ROBO2: variants seen among roughly 807,000 people sequenced by gnomAD.
ROBO2 encodes the protein roundabout homolog 2.
ROBO2 carries 53 observed loss-of-function variants against 160.8 expected under a neutral mutation model. The observed-to-expected ratio is 0.33, with a 90% CI of 0.26 to 0.41. The LOEUF is 0.41. Ranked by LOEUF, ROBO2 falls within the 10% of genes least tolerant of loss-of-function variation. The pLI is 1.00. For missense variants in ROBO2, 1,577 were observed against 1,722.4 expected (o/e 0.92, Z 1.49); for synonymous variants, 664 against 611.7 (o/e 1.09, Z -1.26).
At chr3:77,477,335 G>C (rs2084132884) in intron 2 of ROBO2, 79 bp from the exon 3 acceptor site, 1 of 1,418,992 alleles carries the variant, frequency 7.0e-7, no homozygotes, top group Non-Finnish European at 1.0e-6. Context: ...AGGTAAACAA[G>C]ACTTGAAGTT....
At position 76,617,484 on chromosome 3, in the gene ROBO2, T is replaced by G. The variant is rs570112134; in HGVS notation, c.110-480530T>G. 7.2e-5 allele frequency among the ~76,000 whole-genome samples: 11 copies of G among 152,354 alleles called. No individual in the cohort carries two copies. In the East Asian group the frequency reaches 1.7e-3, roughly 24 times the overall value. ...TATAGATTGGTTTTATTGTTGTTAC[T>G]GTTACAATGGTATTAAGAGATAGTT... is the stretch of plus-strand genomic sequence containing the variant. On this transcript the variant is annotated intron_variant, in intron 2 of 26. Coordinates refer to the ROBO2 transcript ENST00000487694.
At chr3:77,275,143 T>C (rs1008668912) in intron 2 of ROBO2, among the ~76,000 whole-genome samples, 8 of 152,070 alleles carry the variant, frequency 5.3e-5, no homozygotes, top group African/African-American at 1.9e-4. Context: ...AATATATCAA[T>C]GAAGACAGGT....
At chr3:77,583,034 C>CACCT (rs2093957861) in intron 16 of ROBO2, among the ~76,000 whole-genome samples, 1 of 149,338 alleles carries the variant, frequency 6.7e-6, no homozygotes, top group Non-Finnish European at 1.5e-5. Flanking sequence ...CCCAGCTACT[C>CACCT]GGGAGGCTGA....
intron 2 of ROBO2, among the ~76,000 whole-genome samples, chr3:76,481,446 A>T (rs569936795): frequency 2.6e-5 from 4 of 152,162 alleles, no homozygotes; most frequent in Non-Finnish European, 5.9e-5. Context: ...ATGAGAAGAT[A>T]ATGTGCATAG....
intron 2 of ROBO2, among the ~76,000 whole-genome samples, chr3:76,552,253 T>C (rs2083465361): frequency 6.6e-6 from 1 of 152,184 alleles, no homozygotes; most frequent in Non-Finnish European, 1.5e-5. Flanking sequence ...AACTTGAGCA[T>C]CCCAGAATTT....
intron 2 of ROBO2, among the ~76,000 whole-genome samples, chr3:76,304,303 C>G (rs1408293297): frequency 6.6e-6 from 1 of 152,102 alleles, no homozygotes; most frequent in Non-Finnish European, 1.5e-5. Flanking sequence ...TGGTTAAAAA[C>G]AAAGAATTAA....
At chr3:76,461,321 A>T (rs2078074721) in intron 2 of ROBO2, among the ~76,000 whole-genome samples, 1 of 152,124 alleles carries the variant, frequency 6.6e-6, no homozygotes, top group African/African-American at 2.4e-5. Flanking sequence ...CTGTGATCCA[A>T]ACATCTCCCA....
intron 20 of ROBO2, 102 bp from the exon 22 acceptor site, chr3:77,607,696 T>G (rs960886251): frequency 1.9e-6 from 2 of 1,029,626 alleles, no homozygotes; most frequent in African/African-American, 3.1e-5. Flanking sequence ...AACTCCAACA[T>G]ACTGATTCTG....
chr3:77,288,306 C>CA (rs1287882625), intron 2 of ROBO2, among the ~76,000 whole-genome samples: 1 of 152,108 alleles, frequency 6.6e-6, no homozygotes, highest in Non-Finnish European at 1.5e-5. Context: ...TAACATAAGG[C>CA]AAAAACATTA....
intron 2 of ROBO2, among the ~76,000 whole-genome samples, chr3:77,235,963 G>A (rs1332161245): frequency 6.6e-6 from 1 of 152,178 alleles, no homozygotes; most frequent in Non-Finnish European, 1.5e-5. Flanking sequence ...ATGTTAGGGT[G>A]TTGACCAAAA....
intron 2 of ROBO2, among the ~76,000 whole-genome samples, chr3:77,364,522 C>T (rs900823913): frequency 5.9e-5 from 9 of 152,068 alleles, no homozygotes; most frequent in African/African-American, 2.2e-4. Context: ...GAGTCAGTAA[C>T]AGGCATATCA....
chr3:77,438,051 A>T (rs1159897766), intron 2 of ROBO2, among the ~76,000 whole-genome samples: 2 of 152,028 alleles, frequency 1.3e-5, no homozygotes, highest in Admixed American at 1.3e-4. Context: ...TTACTGTCTT[A>T]TAATAATACT....
At chr3:76,536,099 G>T (rs1280694349) in intron 2 of ROBO2, among the ~76,000 whole-genome samples, 1 of 152,180 alleles carries the variant, frequency 6.6e-6, no homozygotes, top group African/African-American at 2.4e-5. Context: ...GGCCAGTTTT[G>T]TGGCATTTGA....
At chr3:77,391,994 C>A (rs182671020) in intron 2 of ROBO2, among the ~76,000 whole-genome samples, 14 of 152,262 alleles carry the variant, frequency 9.2e-5, no homozygotes, top group Non-Finnish European at 1.9e-4. Flanking sequence ...CCAGGCCATG[C>A]ATAACAGATC....
intron 2 of ROBO2, among the ~76,000 whole-genome samples, chr3:77,476,413 C>T (rs1433867690): frequency 6.7e-6 from 1 of 149,446 alleles, no homozygotes; most frequent in East Asian, 2.0e-4. Flanking sequence ...TGTGTAGGTT[C>T]ATTTTACCTC....
chr3:77,611,452 T>C (rs1014478150), intron 21 of ROBO2, among the ~76,000 whole-genome samples: 6 of 151,994 alleles, frequency 3.9e-5, no homozygotes, highest in African/African-American at 1.5e-4. Flanking sequence ...AGATAAAGCA[T>C]GGAATATTGC....
At chr3:77,439,249 A>G (rs2079650334) in intron 2 of ROBO2, among the ~76,000 whole-genome samples, 1 of 152,098 alleles carries the variant, frequency 6.6e-6, no homozygotes. Context: ...AGCAATTAGT[A>G]TCTTAATACA....
At chr3:76,181,948 T>G (rs1483515332) in intron 2 of ROBO2, among the ~76,000 whole-genome samples, 1 of 152,164 alleles carries the variant, frequency 6.6e-6, no homozygotes, top group Non-Finnish European at 1.5e-5. Context: ...TGATTCAATT[T>G]TATGTATTCA....
At chr3:76,574,634 CTATCA>C (rs1303341821) in intron 2 of ROBO2, among the ~76,000 whole-genome samples, 2 of 152,104 alleles carry the variant, frequency 1.3e-5, no homozygotes, top group African/African-American at 4.8e-5. Flanking sequence ...TACCCACTTC[CTATCA>C]TAGAGAAACA....
Sources: allele counts gnomAD v4.1 joint callset (sites outside exome capture counted in the v4.1 genomes callset), GRCh38; gene constraint gnomAD v4.1.1; transcripts MANE v1.5; gene names NCBI Gene and HGNC (gene_info 2026-07-23, HGNC 2026-07-21).